NELL2: variants seen among roughly 807,000 people sequenced by gnomAD.
NELL2 encodes the protein neural EGFL like 2, also known as protein kinase C-binding protein NELL2.
A neutral mutation model predicts 109.6 loss-of-function variants in NELL2; 41 were observed. The ratio of observed to expected loss-of-function variants is 0.37; its 90% CI spans 0.29 to 0.49. The LOEUF (loss-of-function observed/expected upper bound fraction) is 0.49, where lower values mean the gene tolerates loss of function less well. Ranked by LOEUF, NELL2 falls within the 20% of genes least tolerant of loss-of-function variation. The pLI is 0.98. For missense variants in NELL2, 900 were observed against 1,008.3 expected (o/e 0.89, Z 1.45); for synonymous variants, 355 against 344.7 (o/e 1.03, Z -0.33).
chr12:44,696,562 T>A (rs1161748354), intron 12 of NELL2, among the ~76,000 whole-genome samples: 1 of 152,220 alleles, frequency 6.6e-6, no homozygotes, highest in Non-Finnish European at 1.5e-5. Context: ...AATGAACAAA[T>A]TCCTTTTCTT....
At chr12:44,773,294 T>C (rs952280825) in intron 9 of NELL2, among the ~76,000 whole-genome samples, 3 of 151,764 alleles carry the variant, frequency 2.0e-5, no homozygotes, top group African/African-American at 7.3e-5. Context: ...GCTAACAGGG[T>C]GAAATCCCGT....
intron 13 of NELL2, among the ~76,000 whole-genome samples, chr12:44,653,291 T>G (rs1947366792): frequency 6.6e-6 from 1 of 152,128 alleles, no homozygotes; most frequent in Admixed American, 6.5e-5. Flanking sequence ...ATTTTAAAGA[T>G]GAAGAAACTG....
At chr12:44,810,662 T>G (rs1432924809) in intron 3 of NELL2, among the ~76,000 whole-genome samples, 1 of 152,162 alleles carries the variant, frequency 6.6e-6, no homozygotes, top group Admixed American at 6.5e-5. Context: ...CTAAAGCCAG[T>G]AGGCAAGCCA....
intron 13 of NELL2, among the ~76,000 whole-genome samples, chr12:44,634,632 T>C (rs142479870): frequency 1.9e-3 from 286 of 152,330 alleles, no homozygotes; most frequent in African/African-American, 6.2e-3. Context: ...GCAATAAACA[T>C]GCGTGTGTAT....
chr12:44,633,135 T>C (rs955572607), intron 13 of NELL2, among the ~76,000 whole-genome samples: 3 of 151,984 alleles, frequency 2.0e-5, no homozygotes, highest in Non-Finnish European at 4.4e-5. Context: ...GTCAGGTTAA[T>C]AGATGCTAAG....
In NELL2 at chr12:44,745,184, C is replaced by T. The variant is rs185208548; in HGVS notation, c.994+29563G>A. ...CAATAAATGTAATCCAGCATATAAA[C>T]GGAACCAAAGACAAAAACCATGATT... On this transcript the variant is annotated intron_variant, in intron 9 of 19. Transcript: ENST00000429094. Among the ~76,000 whole-genome samples, 9 of 152,198 alleles carry T rather than the reference C, an allele frequency of 5.9e-5. No homozygotes were observed. In the East Asian group the frequency reaches 1.4e-3, roughly 23 times the overall value.
intron 13 of NELL2, among the ~76,000 whole-genome samples, chr12:44,615,587 C>T (rs1294119849): frequency 6.6e-6 from 1 of 152,082 alleles, no homozygotes; most frequent in Non-Finnish European, 1.5e-5. Context: ...GATTGCCCAA[C>T]ATATTTAATG....
chr12:44,857,808 T>C (rs114536948), intron 2 of NELL2, among the ~76,000 whole-genome samples: 1,611 of 152,286 alleles, frequency 0.011, 28 homozygotes, highest in African/African-American at 0.037. Flanking sequence ...CCTTTCCTAA[T>C]CTGCCATTTA....
chr12:44,756,778 T>C (rs931900228), intron 9 of NELL2, among the ~76,000 whole-genome samples: 5 of 152,284 alleles, frequency 3.3e-5, no homozygotes, highest in African/African-American at 9.6e-5. Context: ...CTTCCACTTC[T>C]TATAGATTTT....
chr12:44,768,062 A>G (rs997234327), intron 9 of NELL2, among the ~76,000 whole-genome samples: 3 of 152,120 alleles, frequency 2.0e-5, no homozygotes, highest in Non-Finnish European at 4.4e-5. Flanking sequence ...CATTGTAATC[A>G]CTCTGTGATT....
intron 2 of NELL2, among the ~76,000 whole-genome samples, chr12:44,867,805 C>T (rs1049626613): frequency 1.3e-5 from 2 of 151,912 alleles, no homozygotes; most frequent in Admixed American, 6.6e-5. Context: ...AATATACAAA[C>T]AAAAAGTAGT....
chr12:44,815,865 C>A, intron 3 of NELL2, 121 bp downstream of exon 3: 1 of 1,109,186 alleles, frequency 9.0e-7, no homozygotes, highest in African/African-American at 1.6e-5. Context: ...GATTTGCCCA[C>A]CTCGGCTTCC....
chr12:44,814,308 C>T (rs1943267347), intron 3 of NELL2, among the ~76,000 whole-genome samples: 2 of 152,136 alleles, frequency 1.3e-5, no homozygotes, highest in East Asian at 1.9e-4. Flanking sequence ...CACAGGGAAG[C>T]AAAATCTAAT....
At chr12:44,561,908 G>A (rs1042251598) in intron 15 of NELL2, among the ~76,000 whole-genome samples, 2 of 152,156 alleles carry the variant, frequency 1.3e-5, no homozygotes, top group African/African-American at 4.8e-5. Flanking sequence ...CAAGCTACCT[G>A]AATTCAAACT....
chr12:44,746,915 A>G (rs572067338), intron 9 of NELL2, among the ~76,000 whole-genome samples: 306 of 152,226 alleles, frequency 2.0e-3, no homozygotes, highest in African/African-American at 6.7e-3. Flanking sequence ...TCTAGAACTA[A>G]AAATACCATT....
intron 13 of NELL2, among the ~76,000 whole-genome samples, chr12:44,642,551 C>T (rs187057446): frequency 2.9e-3 from 444 of 152,246 alleles, no homozygotes; most frequent in African/African-American, 0.01. Context: ...TACTATACAA[C>T]AGTGTATCTA....
chr12:44,655,393 C>G (rs556771871), intron 13 of NELL2, among the ~76,000 whole-genome samples: 9 of 152,304 alleles, frequency 5.9e-5, no homozygotes, highest in African/African-American at 1.9e-4. Flanking sequence ...GTGCTTCCCC[C>G]ACTCACTGAC....
intron 13 of NELL2, among the ~76,000 whole-genome samples, chr12:44,648,406 A>G (rs1157569615): frequency 6.6e-6 from 1 of 152,062 alleles, no homozygotes; most frequent in African/African-American, 2.4e-5. Context: ...AACTTCTACT[A>G]TAATAGTTTT....
intron 9 of NELL2, among the ~76,000 whole-genome samples, chr12:44,736,330 G>T (rs937392723): frequency 3.4e-4 from 52 of 152,036 alleles, no homozygotes; most frequent in Admixed American, 8.5e-4. Flanking sequence ...TTTAAAAAAA[G>T]CATTGGGTAA....
Sources: allele counts gnomAD v4.1 joint callset (sites outside exome capture counted in the v4.1 genomes callset), GRCh38; gene constraint gnomAD v4.1.1; transcripts MANE v1.5; gene names NCBI Gene and HGNC (gene_info 2026-07-23, HGNC 2026-07-21).